LRRC74A: variants seen among roughly 807,000 people sequenced by gnomAD.
The protein encoded by LRRC74A is leucine-rich repeat-containing protein 74A.
Under a neutral mutation model 57.9 loss-of-function variants are expected in LRRC74A, and 44 were observed. That is an observed-to-expected ratio of 0.76 (90% CI 0.60 to 0.98). The LOEUF is 0.98. Among genes scored for constraint, LRRC74A ranks in the 50% least tolerant of loss-of-function variants. LRRC74A has a pLI of 0.00. For synonymous variants in LRRC74A, 211 were observed against 219.4 expected (o/e 0.96, Z 0.34); for missense variants, 572 against 574.0 (o/e 1.00, Z 0.04).
chr14:76,855,511 G>A (rs983559974), intron 9 of LRRC74A, among the ~76,000 whole-genome samples: 7 of 152,296 alleles, frequency 4.6e-5, no homozygotes, highest in Admixed American at 2.6e-4. Flanking sequence ...AGAAGTAAAA[G>A]AGAAAAGTTT....
chr14:76,851,017 A>G (rs1398547784), intron 7 of LRRC74A, among the ~76,000 whole-genome samples: 2 of 152,220 alleles, frequency 1.3e-5, no homozygotes, highest in Non-Finnish European at 2.9e-5. Flanking sequence ...CTCCCCAAAT[A>G]AAAACAACAA....
At chr14:76,844,302 C>A in intron 5 of LRRC74A, 121 bp from the exon 6 acceptor site, 1 of 914,030 alleles carries the variant, frequency 1.1e-6, no homozygotes, top group Non-Finnish European at 1.7e-6. Context: ...TGCGTCTGGC[C>A]CCTACCACCT....
At chr14:76,849,528 G>C (rs1446937093) in intron 7 of LRRC74A, among the ~76,000 whole-genome samples, 1 of 151,944 alleles carries the variant, frequency 6.6e-6, no homozygotes, top group Non-Finnish European at 1.5e-5. Flanking sequence ...ATTGCTGGGC[G>C]GGGTAGATCA....
intron 9 of LRRC74A, among the ~76,000 whole-genome samples, chr14:76,856,362 C>T (rs1278450499): frequency 1.3e-5 from 2 of 152,230 alleles, no homozygotes; most frequent in African/African-American, 4.8e-5. Flanking sequence ...CATAACACTT[C>T]TGATGCTATT....
intron 7 of LRRC74A, among the ~76,000 whole-genome samples, chr14:76,848,220 G>A (rs1897232344): frequency 6.6e-6 from 1 of 151,904 alleles, no homozygotes; most frequent in Non-Finnish European, 1.5e-5. Context: ...CATGGTACAT[G>A]TATACATATG....
intron 5 of LRRC74A, among the ~76,000 whole-genome samples, chr14:76,843,921 G>A (rs1306849384): frequency 1.3e-5 from 2 of 151,902 alleles, no homozygotes; most frequent in Non-Finnish European, 2.9e-5. Context: ...GACTGGTCTC[G>A]AACTCCTGAC....
chr14:76,827,678 A>C (rs1895669227), intron 1 of LRRC74A, among the ~76,000 whole-genome samples: 1 of 152,130 alleles, frequency 6.6e-6, no homozygotes, highest in South Asian at 2.1e-4. Context: ...AATCATAGTA[A>C]TTCATTTCGA....
rs1566712553 is a variant in LRRC74A at position 76,828,371 on chromosome 14, A to C, written c.118A>C (p.Lys40Gln). 6.2e-7 allele frequency: 1 copy of C among 1,613,982 alleles called. No homozygotes were observed. The highest frequency in any genetic ancestry group is 8.5e-7 in the Non-Finnish European group (1 of 1,179,844). The change falls in exon 2 of 14, where the codon AAA becomes CAA. Residue 40 changes from lysine to glutamine, a missense_variant. By Grantham distance (53) the Lys-to-Gln change is moderately conservative. Coordinates refer to ENST00000689127, the MANE Select transcript of LRRC74A (RefSeq NM_001385106.1). ...GGCCGAATCCCCGCCGACTGTTGAA[A>C]AAGTGAAACCAGCCCGGGAGAATTC... The part of the protein sequence containing the change: ...CEAESPPTVE[K>Q]VKPARENSET...
intron 2 of LRRC74A, chr14:76,829,117 G>A (rs1595336923): frequency 7.8e-6 from 10 of 1,289,400 alleles, no homozygotes; most frequent in African/African-American, 1.5e-5. Flanking sequence ...AGCACCGAAA[G>A]AGAACACTTG....
chr14:76,831,139 G>C, intron 2 of LRRC74A, 64 bp from the exon 3 acceptor site: 2 of 1,518,200 alleles, frequency 1.3e-6, no homozygotes, highest in East Asian at 4.5e-5. Context: ...ATGTCACTGG[G>C]GCTAGAGGGG....
rs1279406884 is a variant in LRRC74A at position 76,867,401 on chromosome 14, A to G, written c.1354A>G (p.Lys452Glu). ...CCAGTACCAGGTCAGGGAGGTGATA[A>G]AGAAGCTCGATGAGAAGACAGGCAT... ...LNQYQVREVI[K>E]KLDEKTGMVN... The change falls in exon 13 of 14, where the codon AAG (lysine) becomes GAG (glutamate). Residue 452 changes from lysine to glutamate, a missense_variant. By Grantham distance (56) the Lys-to-Glu change is moderately conservative. Transcript: ENST00000689127. 6.2e-7 allele frequency: 1 copy of G among 1,604,088 alleles called. No homozygotes were observed. Among genetic ancestry groups the G allele is most frequent in the Admixed American group, 1.7e-5 (1 of 59,868 alleles).
intron 7 of LRRC74A, among the ~76,000 whole-genome samples, chr14:76,848,242 C>T (rs1277595252): frequency 6.6e-6 from 1 of 151,808 alleles, no homozygotes; most frequent in Non-Finnish European, 1.5e-5. Flanking sequence ...AACAAACCTG[C>T]ACGTTGTGCA....
chr14:76,862,093 G>A (rs1566742823), intron 11 of LRRC74A, among the ~76,000 whole-genome samples: 1 of 152,158 alleles, frequency 6.6e-6, no homozygotes, highest in East Asian at 1.9e-4. Context: ...TGCAAAGTGG[G>A]GACCCCACCT....
At position 76,843,710 on chromosome 14, in the gene LRRC74A, T is replaced by A. The variant is rs1489923755; in HGVS notation, c.545-713T>A. 4.6e-5 allele frequency among the ~76,000 whole-genome samples: 7 copies of A among 152,330 alleles called. 1 individual carries two copies. In the East Asian group the frequency reaches 1.3e-3, roughly 29 times the overall value. On this transcript the variant is annotated intron_variant, in intron 5 of 13. Coordinates refer to ENST00000689127, the MANE Select transcript of LRRC74A (RefSeq NM_001385106.1). ...CTTCCTTTTTTATTTGATTTTATTA[T>A]TTTATTTTTGAGGTGAAGTCTTTCT...
chr14:76,844,328 G>A (rs2140279986), intron 5 of LRRC74A, 95 bp from the exon 6 acceptor site: 2 of 1,178,602 alleles, frequency 1.7e-6, no homozygotes, highest in Admixed American at 2.0e-5. Flanking sequence ...CTGTTCGATT[G>A]TTCTAAAGGG....
At chr14:76,858,371 T>C (rs528750448) in intron 10 of LRRC74A, among the ~76,000 whole-genome samples, 53 of 152,306 alleles carry the variant, frequency 3.5e-4, no homozygotes, top group African/African-American at 1.2e-3. Flanking sequence ...CTGCTTCACA[T>C]GGCATTCTCC....
chr14:76,828,151 T>G, intron 1 of LRRC74A, 140 bp from the exon 2 acceptor site: 2 of 1,116,820 alleles, frequency 1.8e-6, no homozygotes, highest in Non-Finnish European at 1.2e-6. Context: ...TAGAGTGGAC[T>G]TGCCCTGGCA....
At chr14:76,868,753 C>T (rs1008402500) in intron 13 of LRRC74A, among the ~76,000 whole-genome samples, 6 of 152,252 alleles carry the variant, frequency 3.9e-5, no homozygotes, top group African/African-American at 1.4e-4. Context: ...CTCTTTCCTT[C>T]GCTCCACTCA....
chr14:76,854,827 C>T (rs1435442766), intron 9 of LRRC74A, among the ~76,000 whole-genome samples: 1 of 152,182 alleles, frequency 6.6e-6, no homozygotes, highest in Non-Finnish European at 1.5e-5. Context: ...GTGAGGACTT[C>T]TATTAATCAT....
Sources: gnomAD v4.1 joint callset for allele counts (sites outside exome capture counted in the v4.1 genomes callset) on GRCh38, gnomAD v4.1.1 for gene constraint, MANE v1.5 for transcripts, NCBI Gene and HGNC (gene_info 2026-07-23, HGNC 2026-07-21) for gene names.